Variants in METTL8 observed in about 807,000 individuals in gnomAD.
METTL8 encodes the protein tRNA N(3)-cytidine methyltransferase METTL8, mitochondrial.
METTL8 carries 32 observed loss-of-function variants against 48.7 expected under a neutral mutation model. That is an observed-to-expected ratio of 0.66 (90% CI 0.50 to 0.88). The LOEUF (loss-of-function observed/expected upper bound fraction) is 0.88, where lower values mean the gene tolerates loss of function less well. Ranked by LOEUF, METTL8 falls within the 40% of genes least tolerant of loss-of-function variation. The pLI is 0.00. For synonymous variants in METTL8, 136 were observed against 157.1 expected (o/e 0.87, Z 1.01); for missense variants, 464 against 474.4 (o/e 0.98, Z 0.20).
rs2193454 is a variant in METTL8, at chr2:171,322,430, T to C, written c.*1742A>G. ...AAAGAATTGAGTCCATACAGCAAAG[T>C]GAAAACAAGTTTAAGTAAAGAATAG... is the stretch of plus-strand genomic sequence containing the variant. On this transcript the variant is annotated 3_prime_UTR_variant, in exon 10 of 10. Coordinates refer to ENST00000375258, the MANE Select transcript of METTL8 (RefSeq NM_001321154.2). The C allele has an allele frequency of 0.058, 8,749 of 151,604 alleles. 420 individuals carry two copies. Among genetic ancestry groups the C allele is most frequent in the South Asian group, 0.13 (623 of 4,778 alleles). 9.4% of individuals were successfully genotyped at this position (151,604 alleles called of 1,614,324 possible).
chr2:171,384,841 T>C (rs961410934), intron 2 of METTL8, among the ~76,000 whole-genome samples: 2 of 152,024 alleles, frequency 1.3e-5, no homozygotes, highest in Non-Finnish European at 2.9e-5. Context: ...TTAAATTAAT[T>C]AATTAATAAA....
At chr2:171,376,021 G>A (rs149392484) in intron 2 of METTL8, among the ~76,000 whole-genome samples, 49 of 152,114 alleles carry the variant, frequency 3.2e-4, no homozygotes, top group African/African-American at 8.5e-4. Flanking sequence ...CTGTAGCAGG[G>A]GAGACTGGTA....
At chr2:171,325,954 A>C (rs1684908362) in intron 8 of METTL8, 48 bp from the exon 9 acceptor site, 1 of 1,423,914 alleles carries the variant, frequency 7.0e-7, no homozygotes, top group Admixed American at 2.0e-5. Flanking sequence ...TTCCTTTAAA[A>C]AAAAACAACT....
At chr2:171,325,025 G>A (rs950307961) in intron 9 of METTL8, among the ~76,000 whole-genome samples, 4 of 151,524 alleles carry the variant, frequency 2.6e-5, no homozygotes, top group African/African-American at 4.9e-5. Flanking sequence ...GGGAGGCTGA[G>A]GTGGGAGAAT....
intron 2 of METTL8, among the ~76,000 whole-genome samples, chr2:171,389,078 G>A (rs1688339739): frequency 6.6e-6 from 1 of 152,148 alleles, no homozygotes; most frequent in Non-Finnish European, 1.5e-5. Flanking sequence ...GAAAGGAATA[G>A]TTATATATAT....
chr2:171,372,250 G>A (rs1167095954), intron 2 of METTL8, among the ~76,000 whole-genome samples: 1 of 152,034 alleles, frequency 6.6e-6, no homozygotes, highest in Non-Finnish European at 1.5e-5. Context: ...CCATCAGGTA[G>A]ATAGCAAGAT....
intron 6 of METTL8, 24 bp from the exon 7 acceptor site, chr2:171,330,722 G>T (rs1397479269): frequency 2.6e-6 from 4 of 1,566,656 alleles, no homozygotes; most frequent in Non-Finnish European, 3.4e-6. Context: ...GGAACAGAAA[G>T]CAAAAAGAGG....
At chr2:171,330,013 T>A (rs555073457) in intron 7 of METTL8, among the ~76,000 whole-genome samples, 1 of 152,344 alleles carries the variant, frequency 6.6e-6, no homozygotes, top group South Asian at 2.1e-4. Context: ...AACTAAGTCA[T>A]AAATATTTAA....
intron 1 of METTL8, among the ~76,000 whole-genome samples, chr2:171,419,317 A>G (rs1691646364): frequency 6.6e-6 from 1 of 152,204 alleles, no homozygotes; most frequent in Admixed American, 6.5e-5. Flanking sequence ...ATATATCTAT[A>G]TATAATGTGT....
chr2:171,356,950 A>ATTTTTTTTTTTTTTTTTTTT (rs1202277226), intron 3 of METTL8, among the ~76,000 whole-genome samples: 1 of 4,746 alleles, frequency 2.1e-4, no homozygotes, highest in African/African-American at 2.9e-4. Context: ...TTCAAAGACA[A>ATTTTTTTTTTTTTTTTTTTT]TATTTTTTTT....
At chr2:171,434,655 C>A (rs1300693083), upstream of METTL8, 4 of 1,535,372 alleles carry the variant, frequency 2.6e-6, no homozygotes, top group Non-Finnish European at 2.6e-6. Context: ...GCGACGCAGG[C>A]GTGGTGCAGA....
chr2:171,419,513 C>T (rs1366677853), intron 1 of METTL8, among the ~76,000 whole-genome samples: 4 of 152,126 alleles, frequency 2.6e-5, no homozygotes, highest in Non-Finnish European at 5.9e-5. Flanking sequence ...TTCTAGTACA[C>T]CTGTATAGTG....
At chr2:171,353,166 G>A (rs910127451) in intron 3 of METTL8, among the ~76,000 whole-genome samples, 1 of 152,122 alleles carries the variant, frequency 6.6e-6, no homozygotes, top group Non-Finnish European at 1.5e-5. Context: ...CTGGTATGTT[G>A]TATCTTTGTT....
intron 1 of METTL8, among the ~76,000 whole-genome samples, chr2:171,399,476 T>A (rs1689435101): frequency 6.6e-6 from 1 of 152,114 alleles, no homozygotes; most frequent in Non-Finnish European, 1.5e-5. Flanking sequence ...AAGGTGGTTT[T>A]AATAGTTACC....
Position 171,400,133 on chromosome 2 carries a change from T to C in METTL8, c.-12-7936A>G, listed in dbSNP as rs368351415. The stretch of plus-strand genomic sequence containing the variant: ...TTATCTTATTTAGCTTCCATTTCCC[T>C]ATCAAGGGGTACTATTTTAAGAAAA... On this transcript the variant is annotated intron_variant, in intron 1 of 9. Coordinates refer to ENST00000375258, the MANE Select transcript of METTL8 (RefSeq NM_001321154.2). Among the ~76,000 whole-genome samples, 22 of 152,200 alleles carry C rather than the reference T, an allele frequency of 1.4e-4. 1 individual carries two copies. The highest frequency in any genetic ancestry group is 5.3e-4 in the African/African-American group (22 of 41,538).
At chr2:171,428,121 A>G (rs1692602982) in intron 1 of METTL8, among the ~76,000 whole-genome samples, 1 of 152,268 alleles carries the variant, frequency 6.6e-6, no homozygotes, top group Non-Finnish European at 1.5e-5. Flanking sequence ...ACACAGACAA[A>G]GAATAGAAAA....
upstream of METTL8, chr2:171,434,353 G>C: frequency 1.3e-6 from 1 of 767,262 alleles, no homozygotes; most frequent in Non-Finnish European, 2.2e-6. Context: ...GATCGAAAAG[G>C]GAGTGCTTCT....
chr2:171,365,151 T>C (rs1685584305), intron 2 of METTL8, among the ~76,000 whole-genome samples: 1 of 152,186 alleles, frequency 6.6e-6, no homozygotes, highest in Admixed American at 6.5e-5. Context: ...CCTGTCTTTA[T>C]GCCCCAAGAG....
In METTL8 at chr2:171,318,907, G is replaced by A. The variant is rs1684390611; in HGVS notation, c.*5265C>T. 2 of 151,990 alleles carry A rather than the reference G, an allele frequency of 1.3e-5. No homozygotes were observed. The highest frequency in any genetic ancestry group is 2.1e-4 in the South Asian group (1 of 4,816). 9.4% of individuals were successfully genotyped at this position (151,990 alleles called of 1,614,324 possible). ...GTTGTGACTCTGCTACTTACTAGAT[G>A]TGGTATCCTGAGCAAGTTACCCAAC... On this transcript the variant is annotated 3_prime_UTR_variant, in exon 10 of 10. Coordinates refer to ENST00000375258, the MANE Select transcript of METTL8 (RefSeq NM_001321154.2).
Sources: allele counts gnomAD v4.1 joint callset (sites outside exome capture counted in the v4.1 genomes callset), GRCh38; gene constraint gnomAD v4.1.1; transcripts MANE v1.5; gene names NCBI Gene and HGNC (gene_info 2026-07-23, HGNC 2026-07-21).